Variants in ITPR1 observed in about 807,000 individuals in gnomAD.
ITPR1 encodes the protein inositol 1,4,5-trisphosphate-gated calcium channel ITPR1.
A neutral mutation model predicts 318.4 loss-of-function variants in ITPR1; 96 were observed. The observed-to-expected ratio is 0.30, with a 90% CI of 0.26 to 0.36. The LOEUF (loss-of-function observed/expected upper bound fraction) is 0.36. Among genes scored for constraint, ITPR1 ranks in the 10% least tolerant of loss-of-function variants. ITPR1 has a pLI of 1.00. For synonymous variants in ITPR1, 1,312 were observed against 1,289.9 expected (o/e 1.02, Z -0.37); for missense variants, 2,440 against 3,460.2 (o/e 0.71, Z 7.40).
At chr3:4,784,107 C>T (rs532590074) in intron 51 of ITPR1, among the ~76,000 whole-genome samples, 187 bp downstream of exon 51, 11 of 152,124 alleles carry the variant, frequency 7.2e-5, no homozygotes, top group East Asian at 5.8e-4. Flanking sequence ...GCTTGTGGTC[C>T]GGTGGGGAAG....
intron 61 of ITPR1, among the ~76,000 whole-genome samples, chr3:4,842,649 G>A (rs2051438097): frequency 6.6e-6 from 1 of 152,140 alleles, no homozygotes; most frequent in African/African-American, 2.4e-5. Context: ...GAGCCACCAT[G>A]CCCAGCCGTT....
At chr3:4,583,165 C>T (rs2089528679) in intron 4 of ITPR1, among the ~76,000 whole-genome samples, 1 of 151,856 alleles carries the variant, frequency 6.6e-6, no homozygotes, top group African/African-American at 2.4e-5. Context: ...TCTTTGGAAG[C>T]AAAAAAATAC....
chr3:4,635,859 T>G lies in ITPR1; in HGVS notation c.280-3525T>G, dbSNP rs1396080707. On this transcript the variant is annotated intron_variant, in intron 5 of 61. Coordinates refer to ENST00000649015, the MANE Select transcript of ITPR1 (RefSeq NM_001378452.1). ...GATAGTTTTGTCTAAATACCAGACT[T>G]GGGTTTGTTTGTTTTTTTGTTTGTT... 2.0e-5 allele frequency among the ~76,000 whole-genome samples: 3 copies of G among 152,070 alleles called. No individual in the cohort carries two copies. The East Asian group carries it at 5.8e-4, about 29-fold the overall frequency.
intron 61 of ITPR1, among the ~76,000 whole-genome samples, chr3:4,840,382 A>C (rs2051255687): frequency 6.6e-6 from 1 of 152,228 alleles, no homozygotes; most frequent in Non-Finnish European, 1.5e-5. Context: ...TATTTTTTAA[A>C]ACAGCTATGA....
chr3:4,725,472 T>TG, intron 40 of ITPR1, 74 bp from the exon 41 acceptor site: 1 of 1,228,080 alleles, frequency 8.1e-7, no homozygotes, highest in East Asian at 2.3e-5. Context: ...CCTTGAGTGT[T>TG]GGTCTCTGGA....
In ITPR1 at chr3:4,658,273, C is replaced by A. The variant is rs1214990131; in HGVS notation, c.1146C>A (p.Val382=). Residue 382 remains valine, a synonymous_variant, in exon 13 of 62, where the codon GTC becomes GTA. Transcript: ENST00000649015. ...CTCTGCGTGGAGGTGACAGCCTTGT[C>A]CCAAGGTATCATTTTAAAATTGCTT... ...PTTLRGGDSL[V]PRNSYVRLRH... is the part of the protein sequence containing the mutation. 3.7e-6 allele frequency: 6 copies of A among 1,606,456 alleles called. No individual in the cohort carries two copies. Among genetic ancestry groups the A allele is most frequent in the African/African-American group, 2.7e-5 (2 of 74,806 alleles).
chr3:4,771,479 C>T (rs2046179626), intron 46 of ITPR1, among the ~76,000 whole-genome samples: 1 of 152,188 alleles, frequency 6.6e-6, no homozygotes, highest in Non-Finnish European at 1.5e-5. Context: ...CCTCCCTCGC[C>T]CACACACCCA....
At position 4,645,542 on chromosome 3, in the gene ITPR1, A is replaced by C. The variant is rs368938543; in HGVS notation, c.709-40A>C. On this transcript the variant is annotated intron_variant, in intron 9 of 61. Transcript: ENST00000649015. The stretch of plus-strand genomic sequence containing the variant: ...GGGCAGCAGTCTAATTCTCTTTTTA[A>C]ATTCTTTTTTCCTTAATTCTTTCTT... 9 of 1,608,606 alleles carry C rather than the reference A, an allele frequency of 5.6e-6. No individual in the cohort carries two copies. The East Asian group carries it at 2.0e-4, about 36-fold the overall frequency.
At chr3:4,506,690 G>C (rs1457529969) in intron 2 of ITPR1, among the ~76,000 whole-genome samples, 7 of 152,134 alleles carry the variant, frequency 4.6e-5, no homozygotes, top group Admixed American at 3.3e-4. Context: ...AAATATGTTC[G>C]ATAAGAAGGA....
At position 4,645,786 on chromosome 3, in the gene ITPR1, G is replaced by GCTCT. The variant is rs5846330; in HGVS notation, c.855+69_855+72dup. ...TTAGAGGATATCAGCCTGTATATAG[G>GCTCT]CTCTCTCTCTCTCTATCCTACAAAT... On this transcript the variant is annotated intron_variant, in intron 10 of 61. Coordinates refer to ENST00000649015, the MANE Select transcript of ITPR1 (RefSeq NM_001378452.1). 1.5e-3 allele frequency: 1,444 copies of GCTCT among 951,510 alleles called. 1 individual carries two copies. The highest frequency in any genetic ancestry group is 1.8e-3 in the Non-Finnish European group (1,171 of 649,390). 58.9% of individuals were successfully genotyped at this position (951,510 alleles called of 1,614,324 possible).
intron 4 of ITPR1, among the ~76,000 whole-genome samples, chr3:4,562,973 C>T (rs1157226136): frequency 2.0e-5 from 3 of 151,968 alleles, no homozygotes; most frequent in Non-Finnish European, 2.9e-5. Context: ...GGTGGGCCAG[C>T]ACTAGATAGG....
chr3:4,663,061 T>A lies in ITPR1; in HGVS notation c.1413-4T>A, dbSNP rs761813644. On this transcript the variant is annotated splice_region_variant and splice_polypyrimidine_tract_variant and intron_variant, in intron 15 of 61. Transcript: ENST00000649015. Reference sequence around the variant, plus strand: ...CTGTCTCTAATAGCGTCTTTCCTCCTAAGGTCTGTAACCAAGCTGCTAGAA... The same window carrying A: ...CTGTCTCTAATAGCGTCTTTCCTCCAAAGGTCTGTAACCAAGCTGCTAGAA... The A allele has an allele frequency of 8.7e-6, 14 of 1,613,392 alleles. No homozygotes were observed. The highest frequency in any genetic ancestry group is 1.7e-5 in the Admixed American group (1 of 60,002).
chr3:4,722,332 T>C (rs2042222409), intron 40 of ITPR1, among the ~76,000 whole-genome samples: 1 of 152,152 alleles, frequency 6.6e-6, no homozygotes, highest in Non-Finnish European at 1.5e-5. Flanking sequence ...AGATTGGCCT[T>C]GACTGGAGGT....
chr3:4,673,883 C>T (rs987386511), intron 21 of ITPR1, among the ~76,000 whole-genome samples: 9 of 152,226 alleles, frequency 5.9e-5, no homozygotes, highest in African/African-American at 4.8e-5. Context: ...CGCCTGGCCC[C>T]GATTGTATTT....
intron 5 of ITPR1, among the ~76,000 whole-genome samples, chr3:4,635,258 T>C (rs962261104): frequency 1.3e-5 from 2 of 152,250 alleles, no homozygotes; most frequent in Admixed American, 6.5e-5. Context: ...GTCAATGTTA[T>C]GTTGAGTGAA....
chr3:4,660,954 T>C, intron 13 of ITPR1, 34 bp from the exon 14 acceptor site: 1 of 1,132,306 alleles, frequency 8.8e-7, no homozygotes, highest in Admixed American at 2.0e-5. Context: ...CCTCAATATT[T>C]ATTTCCCTAA....
intron 44 of ITPR1, among the ~76,000 whole-genome samples, chr3:4,739,707 A>G (rs1357935018): frequency 2.0e-5 from 3 of 152,324 alleles, no homozygotes; most frequent in East Asian, 3.9e-4. Context: ...AGCCTAAAGC[A>G]ATGGCCATTT....
chr3:4,519,231 AT>A (rs370446737), intron 3 of ITPR1, among the ~76,000 whole-genome samples: 23 of 147,120 alleles, frequency 1.6e-4, no homozygotes, highest in African/African-American at 2.5e-4. Context: ...TGATTTATTT[AT>A]TTTTTTTTTT....
chr3:4,760,378 C>T (rs1210501343), intron 44 of ITPR1, among the ~76,000 whole-genome samples: 1 of 152,188 alleles, frequency 6.6e-6, no homozygotes, highest in East Asian at 1.9e-4. Flanking sequence ...TACAGAGTTC[C>T]CCAGCTTTCT....
Sources: allele counts gnomAD v4.1 joint callset (sites outside exome capture counted in the v4.1 genomes callset), GRCh38; gene constraint gnomAD v4.1.1; transcripts MANE v1.5; gene names NCBI Gene and HGNC (gene_info 2026-07-23, HGNC 2026-07-21).